The following DSCAM variants were observed in gnomAD, a reference collection of about 807,000 sequenced individuals.
The protein encoded by DSCAM is DS cell adhesion molecule.
DSCAM carries 47 observed loss-of-function variants against 217.7 expected under a neutral mutation model. The ratio of observed to expected loss-of-function variants is 0.22; its 90% CI spans 0.17 to 0.28. The LOEUF is 0.28. Among genes scored for constraint, DSCAM ranks in the 10% least tolerant of loss-of-function variants. DSCAM has a pLI of 1.00. For synonymous variants in DSCAM, 1,056 were observed against 1,015.3 expected, an observed-to-expected ratio of 1.04 and a Z score of -0.76; for missense variants, 2,080 against 2,618.3, an observed-to-expected ratio of 0.79 and a Z score of 4.49.
At chr21:40,346,090 C>T (rs1362236379) in intron 6 of DSCAM, among the ~76,000 whole-genome samples, 3 of 152,096 alleles carry the variant, frequency 2.0e-5, no homozygotes, top group African/African-American at 4.8e-5. Context: ...AAATGGTTGC[C>T]GGGGTAACTG....
At chr21:40,774,472 C>T (rs2091471542) in intron 1 of DSCAM, among the ~76,000 whole-genome samples, 2 of 152,218 alleles carry the variant, frequency 1.3e-5, no homozygotes, top group African/African-American at 2.4e-5. Context: ...CAGTTCCTTT[C>T]CTTCTTTGTT....
chr21:40,375,856 C>G (rs576875255), intron 3 of DSCAM, among the ~76,000 whole-genome samples: 1 of 152,182 alleles, frequency 6.6e-6, no homozygotes, highest in Non-Finnish European at 1.5e-5. Flanking sequence ...GATTTCGGCA[C>G]ATTTCCTCAT....
intron 3 of DSCAM, among the ~76,000 whole-genome samples, chr21:40,491,162 TTC>T (rs1478377306): frequency 3.9e-5 from 6 of 152,196 alleles, no homozygotes; most frequent in African/African-American, 1.4e-4. Context: ...TTCAAATGTG[TTC>T]TCTTATTCTT....
chr21:40,025,293 T>C (rs1240454865), intron 32 of DSCAM, among the ~76,000 whole-genome samples: 1 of 136,114 alleles, frequency 7.3e-6, no homozygotes, highest in Non-Finnish European at 1.6e-5. Context: ...TTGAGGATTT[T>C]TGCATCAATG....
rs201802572 is a variant in DSCAM at position 40,312,240 on chromosome 21, G to C, written c.1903C>G (p.Arg635Gly). Reference sequence around the variant, plus strand: ...ACCCCAAGGCTCCCAGGGATTGGCCGGCCATCCTTCTGCCAGGTGATCGTG... The same window carrying C: ...ACCCCAAGGCTCCCAGGGATTGGCCCGCCATCCTTCTGCCAGGTGATCGTG... ...PITITWQKDG[R>G]PIPGSLGVTI... is the part of the protein sequence containing the mutation. The change falls in exon 9 of 33, where the codon CGG becomes GGG. Residue 635 changes from arginine to glycine, a missense_variant. Physicochemically the swap from Arg to Gly is moderately radical, Grantham distance 125. Coordinates refer to ENST00000400454, the MANE Select transcript of DSCAM (RefSeq NM_001389.5). 6.2e-7 allele frequency: 1 copy of C among 1,614,090 alleles called. No individual in the cohort carries two copies.
chr21:40,090,451 C>T, intron 21 of DSCAM, among the ~76,000 whole-genome samples: 1 of 152,148 alleles, frequency 6.6e-6, no homozygotes, highest in East Asian at 1.9e-4. Flanking sequence ...CCTCCACACC[C>T]ACTGATGCTG....
intron 3 of DSCAM, among the ~76,000 whole-genome samples, chr21:40,498,692 T>C (rs1486860025): frequency 1.8e-4 from 1 of 5,704 alleles, no homozygotes; most frequent in Non-Finnish European, 2.7e-4. Context: ...TATATATATA[T>C]ATATAGATAT....
intron 3 of DSCAM, among the ~76,000 whole-genome samples, chr21:40,445,304 G>A (rs2075665648): frequency 6.6e-6 from 1 of 152,160 alleles, no homozygotes; most frequent in Non-Finnish European, 1.5e-5. Context: ...ATTGCGTGCT[G>A]GCCTCTGGGC....
chr21:40,811,952 C>A (rs549237720), intron 1 of DSCAM, among the ~76,000 whole-genome samples: 4 of 152,332 alleles, frequency 2.6e-5, no homozygotes, highest in African/African-American at 7.2e-5. Flanking sequence ...CCAATTGAGG[C>A]ATCCTTGCTT....
chr21:40,584,733 G>T (rs2076931052), intron 3 of DSCAM, among the ~76,000 whole-genome samples: 1 of 152,142 alleles, frequency 6.6e-6, no homozygotes, highest in African/African-American at 2.4e-5. Flanking sequence ...AGGAAGCGCT[G>T]TAGGTGGGAG....
At chr21:40,264,735 C>T (rs73369821) in intron 11 of DSCAM, among the ~76,000 whole-genome samples, 2 of 152,060 alleles carry the variant, frequency 1.3e-5, no homozygotes, top group African/African-American at 2.4e-5. Flanking sequence ...AATCAAGGGC[C>T]TCCAAATAGG....
intron 32 of DSCAM, among the ~76,000 whole-genome samples, chr21:40,038,889 T>G (rs1304450203): frequency 6.6e-6 from 1 of 150,822 alleles, no homozygotes; most frequent in Admixed American, 6.6e-5. Flanking sequence ...AAATTGGAAA[T>G]CATCATTCTC....
intron 3 of DSCAM, among the ~76,000 whole-genome samples, chr21:40,448,633 AAATC>A (rs1177636068): frequency 6.6e-6 from 1 of 152,036 alleles, no homozygotes; most frequent in Non-Finnish European, 1.5e-5. Flanking sequence ...TTATCATAAT[AAATC>A]AATCTATTTA....
chr21:40,677,250 C>T (rs1007116715), intron 3 of DSCAM, among the ~76,000 whole-genome samples: 1 of 151,624 alleles, frequency 6.6e-6, no homozygotes, highest in Non-Finnish European at 1.5e-5. Flanking sequence ...GCAGAGGAAA[C>T]CAGGACAAAT....
chr21:40,636,884 G>C (rs1388207156), intron 3 of DSCAM, among the ~76,000 whole-genome samples: 1 of 148,664 alleles, frequency 6.7e-6, no homozygotes, highest in Non-Finnish European at 1.5e-5. Context: ...GCTAATAAAA[G>C]GTTCATCAGG....
At chr21:40,494,026 A>C (rs748367663) in intron 3 of DSCAM, among the ~76,000 whole-genome samples, 11 of 151,938 alleles carry the variant, frequency 7.2e-5, no homozygotes, top group Non-Finnish European at 1.3e-4. Flanking sequence ...GTAATCATAA[A>C]GCAAAAACCT....
intron 3 of DSCAM, among the ~76,000 whole-genome samples, chr21:40,655,446 C>CTCTTT (rs1555876823): frequency 7.2e-6 from 1 of 138,854 alleles, no homozygotes; most frequent in African/African-American, 2.7e-5. Flanking sequence ...ATCTGTCTCT[C>CTCTTT]TTTTTTTTTT....
intron 9 of DSCAM, among the ~76,000 whole-genome samples, chr21:40,303,013 T>C (rs1569051957): frequency 2.0e-5 from 3 of 152,194 alleles, no homozygotes; most frequent in Non-Finnish European, 4.4e-5. Context: ...AGAATGAATT[T>C]AGGTTTCCCT....
chr21:40,657,792 T>C (rs983262726), intron 3 of DSCAM, among the ~76,000 whole-genome samples: 8 of 152,146 alleles, frequency 5.3e-5, no homozygotes, highest in Admixed American at 2.0e-4. Flanking sequence ...GAAGGTTGGA[T>C]ACCGATGAAT....
Sources: allele counts gnomAD v4.1 joint callset (sites outside exome capture counted in the v4.1 genomes callset), GRCh38; gene constraint gnomAD v4.1.1; transcripts MANE v1.5; gene names NCBI Gene and HGNC (gene_info 2026-07-23, HGNC 2026-07-21).